Variants in TET2 observed in about 807,000 individuals in gnomAD.
TET2 encodes tet methylcytosine dioxygenase 2, also known as methylcytosine dioxygenase TET2.
Under a neutral mutation model 142.9 loss-of-function variants are expected in TET2, and 299 were observed. The ratio of observed to expected loss-of-function variants is 2.09; its 90% CI spans 1.90 to 2.30. The LOEUF is 2.30. TET2 is among the 30% of genes most tolerant of loss of function. The probability of loss-of-function intolerance (pLI) is 0.00; values close to 1 mark genes in which losing one functional copy is unlikely to be tolerated. For missense variants in TET2, 2,418 were observed against 2,378.0 expected, an observed-to-expected ratio of 1.02 and a Z score of -0.35; for synonymous variants, 819 against 849.0, an observed-to-expected ratio of 0.96 and a Z score of 0.61.
At chr4:105,153,424 G>T (rs938334820) in intron 1 of TET2, among the ~76,000 whole-genome samples, 8 of 149,856 alleles carry the variant, frequency 5.3e-5, no homozygotes, top group Non-Finnish European at 7.5e-5. Flanking sequence ...TATCAATCTT[G>T]TGATTGTGCT....
chr4:105,207,433 CAA>C (rs1726893715), intron 2 of TET2, among the ~76,000 whole-genome samples: 1 of 152,062 alleles, frequency 6.6e-6, no homozygotes, highest in East Asian at 1.9e-4. Context: ...AGATTTTAAA[CAA>C]GAGTTTTATT....
At chr4:105,229,200 A>C (rs1249110729) in intron 2 of TET2, among the ~76,000 whole-genome samples, 2 of 152,242 alleles carry the variant, frequency 1.3e-5, no homozygotes, top group African/African-American at 4.8e-5. Context: ...CAATAGCTAT[A>C]TGTGACTAGT....
chr4:105,256,263 G>A (rs796538236), intron 6 of TET2, among the ~76,000 whole-genome samples: 27 of 152,140 alleles, frequency 1.8e-4, no homozygotes, highest in African/African-American at 6.5e-4. Context: ...TTTCCTTTCA[G>A]CCTGAAGTAT....
chr4:105,261,878 G>C (rs1412590533), intron 8 of TET2, 30 bp downstream of exon 8: 2 of 1,323,876 alleles, frequency 1.5e-6, no homozygotes, highest in Admixed American at 4.3e-5. Flanking sequence ...GGCAGCAATT[G>C]TAACAACTTA....
At chr4:105,193,896 A>G (rs1725929114) in intron 2 of TET2, among the ~76,000 whole-genome samples, 1 of 152,202 alleles carries the variant, frequency 6.6e-6, no homozygotes, top group African/African-American at 2.4e-5. Context: ...AACATAGTAC[A>G]AAAGTTGTTT....
intron 1 of TET2, among the ~76,000 whole-genome samples, chr4:105,158,140 T>C (rs1457291063): frequency 6.6e-6 from 1 of 152,228 alleles, no homozygotes; most frequent in Non-Finnish European, 1.5e-5. Flanking sequence ...ATGGGAAATC[T>C]AGGGTATGGC....
At position 105,234,600 on chromosome 4, in the gene TET2, C is replaced by T. The variant is rs2110222180; in HGVS notation, c.658C>T (p.His220Tyr). The T allele has an allele frequency of 6.2e-7, 1 of 1,614,072 alleles. No individual in the cohort carries two copies. Among genetic ancestry groups the T allele is most frequent in the South Asian group, 1.1e-5 (1 of 91,080 alleles). ...GATVSASSVEHTHGELLEKTL... is the reference protein window; with the variant it reads ...GATVSASSVEYTHGELLEKTL... ...TACAGTTTCTGCCTCTTCCGTGGAA[C>T]ACACACATGGTGAACTCCTGGAAAA... Residue 220 changes from histidine to tyrosine, a missense_variant, in exon 3 of 11, where the codon CAC (histidine) becomes TAC (tyrosine). By Grantham distance (83) the His-to-Tyr change is moderately conservative. Transcript: ENST00000380013.
chr4:105,171,025 T>C (rs1578554679), intron 1 of TET2, among the ~76,000 whole-genome samples: 1 of 152,308 alleles, frequency 6.6e-6, no homozygotes, highest in East Asian at 1.9e-4. Flanking sequence ...AGAAAATATC[T>C]TTTCTGGATT....
chr4:105,262,293 C>T (rs964144909), intron 8 of TET2, among the ~76,000 whole-genome samples: 2 of 152,128 alleles, frequency 1.3e-5, no homozygotes, highest in Admixed American at 1.3e-4. Flanking sequence ...ATATATATTT[C>T]GGTCCAGATG....
At chr4:105,258,490 ACAAT>A (rs1157601918) in intron 6 of TET2, among the ~76,000 whole-genome samples, 2 of 152,210 alleles carry the variant, frequency 1.3e-5, no homozygotes, top group African/African-American at 4.8e-5. Context: ...TTTAGAGATC[ACAAT>A]CAGTGTCTAG....
chr4:105,255,085 C>G (rs1193343852), intron 6 of TET2, among the ~76,000 whole-genome samples: 2 of 152,192 alleles, frequency 1.3e-5, no homozygotes, highest in Non-Finnish European at 2.9e-5. Flanking sequence ...GTCTTGATTA[C>G]ATCTTTTAAC....
At chr4:105,152,481 G>A (rs1277217424) in intron 1 of TET2, among the ~76,000 whole-genome samples, 1 of 151,216 alleles carries the variant, frequency 6.6e-6, no homozygotes, top group African/African-American at 2.4e-5. Flanking sequence ...AGAACCTACT[G>A]TTGACCTCTC....
intron 2 of TET2, among the ~76,000 whole-genome samples, chr4:105,228,321 C>CTTT (rs1728305557): frequency 6.6e-6 from 1 of 152,004 alleles, no homozygotes; most frequent in African/African-American, 2.4e-5. Flanking sequence ...AAAAGTTAAC[C>CTTT]ATTAAACTTT....
chr4:105,164,809 T>C (rs1285102520), intron 1 of TET2, among the ~76,000 whole-genome samples: 2 of 152,162 alleles, frequency 1.3e-5, no homozygotes, highest in South Asian at 2.1e-4. Flanking sequence ...CCTCTGAAGA[T>C]TGGCTCAAGG....
In TET2 at chr4:105,243,563, C is replaced by G. The variant is rs909259945; in HGVS notation, c.3595-7C>G. On this transcript the variant is annotated splice_region_variant and splice_polypyrimidine_tract_variant and intron_variant, in intron 5 of 10. Transcript: ENST00000380013. ...GGGTGTTTGGGATGGAATGGTGATC[C>G]ACGCAGGTGGTTCGCAGAAGCAGCA... 93 of 1,551,204 alleles carry G rather than the reference C, an allele frequency of 6.0e-5. No individual in the cohort carries two copies. The highest frequency in any genetic ancestry group is 7.5e-5 in the Non-Finnish European group (86 of 1,146,862).
chr4:105,161,135 A>G (rs754750999), intron 1 of TET2, among the ~76,000 whole-genome samples: 34 of 152,206 alleles, frequency 2.2e-4, no homozygotes, highest in Admixed American at 2.0e-3. Flanking sequence ...TCTATTATTC[A>G]CATATAGAAA....
chr4:105,247,922 A>G (rs985516301), intron 6 of TET2, among the ~76,000 whole-genome samples: 1 of 151,844 alleles, frequency 6.6e-6, no homozygotes, highest in Non-Finnish European at 1.5e-5. Flanking sequence ...GGGTTTCGCC[A>G]TGTTGGCCAG....
At chr4:105,154,561 G>A (rs1056572445) in intron 1 of TET2, among the ~76,000 whole-genome samples, 8 of 152,238 alleles carry the variant, frequency 5.3e-5, no homozygotes, top group African/African-American at 1.9e-4. Context: ...CTCAAAAGTT[G>A]GCATTGTGTT....
At chr4:105,268,188 T>C (rs184570077) in intron 8 of TET2, among the ~76,000 whole-genome samples, 19 of 152,240 alleles carry the variant, frequency 1.2e-4, no homozygotes, top group African/African-American at 3.8e-4. Flanking sequence ...TCTCAAAAAA[T>C]CTACCAGAAA....
Sources: gnomAD v4.1 joint callset for allele counts (sites outside exome capture counted in the v4.1 genomes callset) on GRCh38, gnomAD v4.1.1 for gene constraint, MANE v1.5 for transcripts, NCBI Gene and HGNC (gene_info 2026-07-23, HGNC 2026-07-21) for gene names.